The following TGFBR2 variants were observed in gnomAD, a reference collection of about 807,000 sequenced individuals.
TGFBR2 encodes transforming growth factor beta receptor 2.
Under a neutral mutation model 49.0 loss-of-function variants are expected in TGFBR2, and 18 were observed. The observed-to-expected ratio is 0.37, with a 90% confidence interval of 0.25 to 0.54. The LOEUF (loss-of-function observed/expected upper bound fraction) is 0.54. Ranked by LOEUF, TGFBR2 falls within the 20% of genes least tolerant of loss-of-function variation. The pLI, the probability that TGFBR2 is intolerant of heterozygous loss-of-function variation, is 0.85. For missense variants in TGFBR2, 525 were observed against 722.6 expected (o/e 0.73, Z 3.13); for synonymous variants, 282 against 275.9 (o/e 1.02, Z -0.22).
chr3:30,653,745 G>A (rs188952038), intron 3 of TGFBR2, among the ~76,000 whole-genome samples: 10 of 152,284 alleles, frequency 6.6e-5, no homozygotes, highest in African/African-American at 2.4e-4. Flanking sequence ...AAAAAGTTGA[G>A]CCACAAGATT....
intron 5 of TGFBR2, among the ~76,000 whole-genome samples, chr3:30,677,173 T>C (rs1699454896): frequency 6.6e-6 from 1 of 152,224 alleles, no homozygotes; most frequent in Non-Finnish European, 1.5e-5. Context: ...TTGTTATCAC[T>C]GACTAAAACC....
At chr3:30,683,521 A>G (rs183064565) in intron 5 of TGFBR2, among the ~76,000 whole-genome samples, 23 of 152,228 alleles carry the variant, frequency 1.5e-4, no homozygotes, top group Non-Finnish European at 2.5e-4. Context: ...TAAGGGAAAA[A>G]TTTTAATCAC....
At chr3:30,686,209 T>C (rs9852963) in intron 5 of TGFBR2, among the ~76,000 whole-genome samples, 3,706 of 152,296 alleles carry the variant, frequency 0.024, 150 homozygotes, top group African/African-American at 0.085. Flanking sequence ...TTTTAGGCAC[T>C]GAGCAGATAA....
chr3:30,625,237 A>C (rs544870199), intron 1 of TGFBR2, among the ~76,000 whole-genome samples: 1 of 152,306 alleles, frequency 6.6e-6, no homozygotes, highest in East Asian at 1.9e-4. Context: ...ATGGAATAAA[A>C]AAAGAAAAAT....
intron 3 of TGFBR2, among the ~76,000 whole-genome samples, chr3:30,669,706 G>T (rs890298170): frequency 6.6e-6 from 1 of 152,170 alleles, no homozygotes; most frequent in Non-Finnish European, 1.5e-5. Flanking sequence ...CTGCCATCTT[G>T]AACATGTCCT....
chr3:30,666,264 T>C (rs968652808), intron 3 of TGFBR2, among the ~76,000 whole-genome samples: 3 of 152,216 alleles, frequency 2.0e-5, no homozygotes, highest in African/African-American at 7.2e-5. Context: ...TTCAATGTTA[T>C]TACTATTCAT....
At chr3:30,678,274 G>A (rs74727855) in intron 5 of TGFBR2, among the ~76,000 whole-genome samples, 168 of 152,196 alleles carry the variant, frequency 1.1e-3, no homozygotes, top group East Asian at 3.3e-3. Context: ...CCTGCCGGGC[G>A]CGGTGGCTCA....
chr3:30,621,011 T>G (rs971301182), intron 1 of TGFBR2, among the ~76,000 whole-genome samples: 2 of 152,186 alleles, frequency 1.3e-5, no homozygotes, highest in Admixed American at 1.3e-4. Context: ...GGTCTTGAAT[T>G]TGGCCTTCAG....
chr3:30,660,056 A>G (rs1699090324), intron 3 of TGFBR2, among the ~76,000 whole-genome samples: 1 of 152,194 alleles, frequency 6.6e-6, no homozygotes, highest in Non-Finnish European at 1.5e-5. Flanking sequence ...TGTGGAAAAT[A>G]TCAATTTTGC....
chr3:30,689,940 G>T (rs529445307), intron 6 of TGFBR2, among the ~76,000 whole-genome samples: 1 of 152,286 alleles, frequency 6.6e-6, no homozygotes, highest in East Asian at 1.9e-4. Context: ...TAAAATAAAT[G>T]TTACTTGTGT....
chr3:30,620,929 A>T (rs955794448), intron 1 of TGFBR2, among the ~76,000 whole-genome samples: 3 of 152,230 alleles, frequency 2.0e-5, no homozygotes, highest in Non-Finnish European at 4.4e-5. Flanking sequence ...TGTTAAAATG[A>T]TACATGCTAA....
At chr3:30,691,372 C>T (rs370445186) in intron 6 of TGFBR2, 48 bp from the exon 7 acceptor site, 48 of 1,606,812 alleles carry the variant, frequency 3.0e-5, no homozygotes, top group African/African-American at 8.0e-5. Flanking sequence ...TTGCCTTCCG[C>T]GGAGCCCACC....
At chr3:30,623,220 A>G in intron 1 of TGFBR2, 1 of 1,594,972 alleles carries the variant, frequency 6.3e-7, no homozygotes, top group Non-Finnish European at 8.6e-7. Flanking sequence ...GAGGCCCAGA[A>G]AGATGAAATC....
In TGFBR2 at chr3:30,688,470, C is replaced by G. The variant is rs104893819; in HGVS notation, c.1483C>G (p.Arg495Gly). ...CATGAAGGACAACGTGTTGAGAGAT[C>G]GAGGGCGACCAGAAATTCCCAGCTT... ...ESMKDNVLRD[R>G]GRPEIPSFWL... Residue 495 changes from arginine (R) to glycine (G), a missense_variant, in exon 6 of 7, where the codon CGA becomes GGA. Coordinates refer to ENST00000295754, the MANE Select transcript of TGFBR2 (RefSeq NM_003242.6). The G allele has an allele frequency of 6.2e-7, 1 of 1,614,076 alleles. No individual in the cohort carries two copies. The highest frequency in any genetic ancestry group is 1.3e-5 in the African/African-American group (1 of 74,928).
At chr3:30,634,197 G>C (rs1698486473) in intron 1 of TGFBR2, among the ~76,000 whole-genome samples, 2 of 152,150 alleles carry the variant, frequency 1.3e-5, no homozygotes, top group African/African-American at 4.8e-5. Flanking sequence ...ATGCTTAGTT[G>C]AGGCAAATGG....
intron 2 of TGFBR2, among the ~76,000 whole-genome samples, chr3:30,646,446 T>C (rs1698743217): frequency 6.6e-6 from 1 of 152,198 alleles, no homozygotes; most frequent in Non-Finnish European, 1.5e-5. Flanking sequence ...ACATGGTTAG[T>C]ACAGTGAAGA....
intron 1 of TGFBR2, among the ~76,000 whole-genome samples, chr3:30,608,881 C>G (rs1697984547): frequency 6.6e-6 from 1 of 152,000 alleles, no homozygotes; most frequent in African/African-American, 2.4e-5. Context: ...AAAATGGCAC[C>G]CTTAATTTTC....
At chr3:30,633,201 T>A (rs1336681629) in intron 1 of TGFBR2, among the ~76,000 whole-genome samples, 1 of 152,240 alleles carries the variant, frequency 6.6e-6, no homozygotes, top group Admixed American at 6.5e-5. Context: ...TTCATCTCTT[T>A]GACCCTTAAT....
chr3:30,652,232 G>T lies in TGFBR2; in HGVS notation c.454+1772G>T, dbSNP rs111248946. ...ATTTCTCTCGTTTTCTTTTCTGGTT[G>T]TTTTTTTTTTTTTTTTTTTTTTGAC... is the stretch of plus-strand genomic sequence containing the variant. On this transcript the variant is annotated intron_variant, in intron 3 of 6. Transcript: ENST00000295754. 6.4e-3 allele frequency among the ~76,000 whole-genome samples: 619 copies of T among 97,034 alleles called. 10 individuals are homozygous for T. The highest frequency in any genetic ancestry group is 0.023 in the African/African-American group (567 of 24,650). 63.7% of individuals were successfully genotyped at this position (97,034 alleles called of 152,430 possible). A position where few individuals can be genotyped will look rare whatever the true frequency, so the allele number is the denominator to read the frequency against.
Sources: allele counts gnomAD v4.1 joint callset (sites outside exome capture counted in the v4.1 genomes callset), GRCh38; gene constraint gnomAD v4.1.1; transcripts MANE v1.5; gene names NCBI Gene and HGNC (gene_info 2026-07-23, HGNC 2026-07-21).